FGF13: variants seen among roughly 807,000 people sequenced by gnomAD.
FGF13 encodes the protein fibroblast growth factor homologous factor 2.
In FGF13, 2 loss-of-function variants were observed where a neutral mutation model predicts 19.5. The ratio of observed to expected loss-of-function variants is 0.10; its 90% confidence interval spans 0.04 to 0.32. FGF13 has a LOEUF of 0.32. FGF13 is among the 10% of genes least tolerant of loss of function. The pLI, the probability that FGF13 is intolerant of heterozygous loss-of-function variation, is 1.00. For synonymous variants in FGF13, 72 were observed against 76.9 expected, an observed-to-expected ratio of 0.94 and a Z score of 0.33; for missense variants, 113 against 192.7, an observed-to-expected ratio of 0.59 and a Z score of 2.45.
At chrX:138,949,399 G>C (rs767385537) in intron 1 of FGF13, among the ~76,000 whole-genome samples, 1 of 111,407 alleles carries the variant, frequency 9.0e-6, no homozygotes, top group South Asian at 3.8e-4. Context: ...TTCTTGGCTT[G>C]TTGCTGCATC....
At chrX:139,189,269 T>C in intron 1 of FGF13, among the ~76,000 whole-genome samples, 1 of 111,184 alleles carries the variant, frequency 9.0e-6, no homozygotes, top group East Asian at 2.8e-4. Context: ...AATCTTAGAC[T>C]AAAGACTGAG....
chrX:138,633,061 T>C, intron 4 of FGF13, 75 bp from the exon 5 acceptor site: 1 of 1,084,324 alleles, frequency 9.2e-7, no homozygotes, highest in Non-Finnish European at 1.2e-6. Context: ...AAGAATAGTT[T>C]GTAGGTGTTC....
intron 1 of FGF13, among the ~76,000 whole-genome samples, chrX:139,069,860 GACA>G (rs2092370956): frequency 8.9e-6 from 1 of 111,983 alleles, no homozygotes; most frequent in African/African-American, 3.2e-5. Flanking sequence ...TGACAAACCT[GACA>G]ACAACAAGAA....
chrX:139,042,279 C>T (rs1045806239), intron 1 of FGF13, among the ~76,000 whole-genome samples: 3 of 111,757 alleles, frequency 2.7e-5, no homozygotes, highest in Non-Finnish European at 3.8e-5. Flanking sequence ...TCCAATGATA[C>T]GGAACATGGG....
intron 1 of FGF13, among the ~76,000 whole-genome samples, chrX:138,865,255 A>G (rs930351209): frequency 8.1e-5 from 9 of 111,736 alleles, no homozygotes; most frequent in Non-Finnish European, 1.5e-4. Flanking sequence ...GGACTTTTAA[A>G]AACCAAAACA....
intron 3 of FGF13, among the ~76,000 whole-genome samples, chrX:138,640,280 T>C (rs890865262): frequency 2.7e-5 from 3 of 111,898 alleles, no homozygotes; most frequent in African/African-American, 9.7e-5. Flanking sequence ...TCAGGGCATA[T>C]TAAGACCTCC....
At chrX:139,175,832 G>A (rs1319804082) in intron 1 of FGF13, among the ~76,000 whole-genome samples, 1 of 112,101 alleles carries the variant, frequency 8.9e-6, no homozygotes, top group African/African-American at 3.2e-5. Context: ...TTGCATCTAT[G>A]TTCATCATGG....
intron 1 of FGF13, among the ~76,000 whole-genome samples, chrX:139,003,134 G>T (rs745576044): frequency 2.7e-5 from 3 of 111,808 alleles, no homozygotes; most frequent in African/African-American, 9.8e-5. Flanking sequence ...AAGATGGCGC[G>T]TCTGGAGTCT....
chrX:138,972,825 T>A (rs2091924229), intron 1 of FGF13, among the ~76,000 whole-genome samples: 1 of 111,824 alleles, frequency 8.9e-6, no homozygotes, highest in East Asian at 2.8e-4. Flanking sequence ...AAAGTCTATT[T>A]AGATCTTTTG....
At chrX:138,700,222 C>T (rs1208082923) in intron 3 of FGF13, among the ~76,000 whole-genome samples, 1 of 111,157 alleles carries the variant, frequency 9.0e-6, no homozygotes, top group Non-Finnish European at 1.9e-5. Flanking sequence ...AGACTGTAGT[C>T]ATCCCTCACC....
At chrX:138,758,145 G>A (rs1286566104) in intron 3 of FGF13, among the ~76,000 whole-genome samples, 1 of 111,350 alleles carries the variant, frequency 9.0e-6, no homozygotes, top group African/African-American at 3.3e-5. Flanking sequence ...AAGCCAGAGT[G>A]ATCCCTAAAT....
At chrX:138,909,112 CT>C in intron 1 of FGF13, among the ~76,000 whole-genome samples, 1 of 111,878 alleles carries the variant, frequency 8.9e-6, no homozygotes, top group East Asian at 2.8e-4. Context: ...TACTGAGCTT[CT>C]AGTTGTCTTT....
chrX:138,625,479 T>TATATAATATATATATATACATATATA lies in FGF13; in HGVS notation c.*7345_*7370dup, dbSNP rs2089051037. ...AAAATTATATATATATACATATATATATATAATATATATATATACATATAT... is the reference window on the plus strand; with the variant it reads ...AAAATTATATATATATACATATATATATATAATATATATATATACATATATAATATAATATATATATATACATATAT... On this transcript the variant is annotated 3_prime_UTR_variant, in exon 5 of 5. Coordinates refer to ENST00000315930, the MANE Select transcript of FGF13 (RefSeq NM_004114.5). The TATATAATATATATATATACATATATA allele has an allele frequency of 3.3e-5, 3 of 91,656 alleles. No homozygotes were observed. The Admixed American group carries it at 3.7e-4, about 11-fold the overall frequency. The allele number at this position is 91,656 out of a possible 1,213,427, so 7.6% of individuals were successfully genotyped here.
intron 1 of FGF13, among the ~76,000 whole-genome samples, chrX:139,157,038 G>A (rs1025285927): frequency 1.8e-4 from 20 of 111,616 alleles, no homozygotes; most frequent in African/African-American, 5.2e-4. Context: ...AGAAGAGAAT[G>A]GAAAGGAAAG....
intron 3 of FGF13, among the ~76,000 whole-genome samples, chrX:138,656,609 G>A (rs776857278): frequency 2.7e-5 from 3 of 111,758 alleles, no homozygotes; most frequent in East Asian, 5.7e-4. Context: ...CATGATAACC[G>A]GTGAATGATA....
chrX:138,951,199 A>G (rs748095263), intron 1 of FGF13, among the ~76,000 whole-genome samples: 1 of 111,612 alleles, frequency 9.0e-6, no homozygotes, highest in East Asian at 2.8e-4. Context: ...GTTGAATTCT[A>G]TAGTACTCCG....
chrX:138,739,600 A>T (rs1162767445), upstream of FGF13, among the ~76,000 whole-genome samples: 1 of 111,844 alleles, frequency 8.9e-6, no homozygotes, highest in Non-Finnish European at 1.9e-5. Flanking sequence ...TTTGCCTTCT[A>T]GAATTATGAA....
At position 139,134,272 on chromosome X, in the gene FGF13, G is replaced by A. The variant is rs182534798; in HGVS notation, c.-113+69144C>T. Among the ~76,000 whole-genome samples the A allele has an allele frequency of 1.5e-4, 17 of 111,513 alleles. No homozygotes were observed. In the East Asian group the frequency reaches 4.3e-3, roughly 28 times the overall value. On this transcript the variant is annotated intron_variant, in intron 1 of 2. Transcript: ENST00000421460. ...TACAGCTCATTTAATCCTTTCATCT[G>A]TTTCCTCAAGCTTGATTTTACTACC...
chrX:138,728,347 T>G (rs1311616451), intron 1 of FGF13, among the ~76,000 whole-genome samples: 1 of 111,476 alleles, frequency 9.0e-6, no homozygotes, highest in Non-Finnish European at 1.9e-5. Context: ...TATTTTCATT[T>G]AAAATTTACC....
Sources: gnomAD v4.1 joint callset for allele counts (sites outside exome capture counted in the v4.1 genomes callset) on GRCh38, gnomAD v4.1.1 for gene constraint, MANE v1.5 for transcripts, NCBI Gene and HGNC (gene_info 2026-07-23, HGNC 2026-07-21) for gene names.